The following TSPAN17 variants were observed in gnomAD, a reference collection of about 807,000 sequenced individuals.
TSPAN17 encodes tetraspanin 17, also known as tetraspanin-17.
Under a neutral mutation model 40.5 loss-of-function variants are expected in TSPAN17, and 33 were observed. That is an observed-to-expected ratio of 0.81 (90% confidence interval 0.62 to 1.09). The LOEUF (loss-of-function observed/expected upper bound fraction) is 1.09. Among genes scored for constraint, TSPAN17 ranks in the 50% least tolerant of loss-of-function variants. The probability of loss-of-function intolerance (pLI) is 0.00; values close to 1 mark genes in which losing one functional copy is unlikely to be tolerated. For synonymous variants in TSPAN17, 166 were observed against 169.4 expected (o/e 0.98, Z 0.15); for missense variants, 365 against 416.8 (o/e 0.88, Z 1.08).
At chr5:176,653,566 C>G in intron 4 of TSPAN17, 1 of 153,004 alleles carries the variant, frequency 6.5e-6, no homozygotes. Context: ...ACAACCACAC[C>G]TAGTCACACA....
rs1286495292 is a variant in TSPAN17 at position 176,647,579 on chromosome 5, C to T, written c.-37C>T. 2.6e-6 allele frequency: 4 copies of T among 1,545,164 alleles called. No homozygotes were observed. Among genetic ancestry groups the T allele is most frequent in the African/African-American group, 1.4e-5 (1 of 72,560 alleles). On this transcript the variant is annotated 5_prime_UTR_variant, in exon 1 of 9. Transcript: ENST00000508164. ...CCCGCGGGGCGCTGGGCCTGGCTCC[C>T]GGCTCCGGTTTCCGGGCCGGCGGGT...
intron 8 of TSPAN17, 126 bp from the exon 9 acceptor site, chr5:176,657,392 C>T (rs1360892773): frequency 1.3e-6 from 2 of 1,481,648 alleles, no homozygotes; most frequent in Non-Finnish European, 1.8e-6. Context: ...GCCACTGCCT[C>T]ACACAGCTTC....
rs1760955163 is a variant in TSPAN17 at position 176,651,304 on chromosome 5, C to G, written c.88-312C>G. ...TCAGTATACTGGCGCCGTCGCTACCCCCGCTGACACAGCTGCTATTGCTCC... is the reference window on the plus strand; with the variant it reads ...TCAGTATACTGGCGCCGTCGCTACCGCCGCTGACACAGCTGCTATTGCTCC... On this transcript the variant is annotated intron_variant, in intron 1 of 8. Transcript: ENST00000508164. The surrounding 1 kb of genome is among the most constrained non-coding windows in gnomAD (Gnocchi z 4.5). Among the ~76,000 whole-genome samples the G allele has an allele frequency of 6.6e-6, 1 of 152,160 alleles. No homozygotes were observed. Among genetic ancestry groups the G allele is most frequent in the Non-Finnish European group, 1.5e-5 (1 of 68,022 alleles).
intron 5 of TSPAN17, among the ~76,000 whole-genome samples, chr5:176,655,257 G>T (rs1246520453): frequency 6.6e-6 from 1 of 152,196 alleles, no homozygotes; most frequent in Non-Finnish European, 1.5e-5. Flanking sequence ...CACAGGGATG[G>T]GGACTGGCCT....
chr5:176,656,677 G>A (rs778938466), intron 6 of TSPAN17, 23 bp from the exon 7 acceptor site: 2 of 1,611,286 alleles, frequency 1.2e-6, no homozygotes, highest in Non-Finnish European at 8.5e-7. Context: ...GGTAGGCTGA[G>A]CCTGGTGCCT....
intron 3 of TSPAN17, among the ~76,000 whole-genome samples, chr5:176,652,469 A>G (rs1369956439): frequency 6.6e-6 from 1 of 152,212 alleles, no homozygotes; most frequent in Non-Finnish European, 1.5e-5. Flanking sequence ...AGGTGTCTCC[A>G]TCCGAACCTT....
At position 176,654,864 on chromosome 5, in the gene TSPAN17, G is replaced by A. The variant is rs1385686322; in HGVS notation, c.457-31G>A. Reference sequence around the variant, plus strand: ...GGGTGAGGCTCCTGGGATGGGCCTGGCTCACCTGGGGCTCTCCCCTGCCCC... The same window carrying A: ...GGGTGAGGCTCCTGGGATGGGCCTGACTCACCTGGGGCTCTCCCCTGCCCC... On this transcript the variant is annotated intron_variant, in intron 4 of 8. Transcript: ENST00000508164. The surrounding 1 kb of genome is among the most constrained non-coding windows in gnomAD (Gnocchi z 4.3). 2 of 1,611,226 alleles carry A rather than the reference G, an allele frequency of 1.2e-6. No homozygotes were observed. Among genetic ancestry groups the A allele is most frequent in the Non-Finnish European group, 1.7e-6 (2 of 1,178,714 alleles).
At chr5:176,648,690 G>A (rs930960229) in intron 1 of TSPAN17, among the ~76,000 whole-genome samples, 3 of 147,120 alleles carry the variant, frequency 2.0e-5, no homozygotes, top group African/African-American at 7.6e-5. Context: ...CCTGGCTGTA[G>A]CAGGCCTGGC....
rs115220475 is a variant in TSPAN17 at position 176,654,923 on chromosome 5, A to T, written c.485A>T (p.Asn162Ile). 6.2e-7 allele frequency: 1 copy of T among 1,613,910 alleles called. No individual in the cohort carries two copies. The highest frequency in any genetic ancestry group is 8.5e-7 in the Non-Finnish European group (1 of 1,179,920). Residue 162 changes from asparagine (N) to isoleucine (I), a missense_variant, in exon 5 of 9, where the codon AAT becomes ATT. Coordinates refer to ENST00000508164, the MANE Select transcript of TSPAN17 (RefSeq NM_130465.5). This position sits in a 1 kb window ranked among gnomAD's most constrained non-coding sequence, Gnocchi z 4.3. ...TCTTGCTGCGGAGCCCGAGGCCCCA[A>T]TGACTGGAACCTCAATATCTACTTC... ...YWSCCGARGP[N>I]DWNLNIYFNC...
Position 176,651,365 on chromosome 5 carries a change from T to C in TSPAN17, c.88-251T>C, listed in dbSNP as rs182621907. Among the ~76,000 whole-genome samples the C allele has an allele frequency of 4.6e-5, 7 of 152,232 alleles. No homozygotes were observed. The highest frequency in any genetic ancestry group is 4.2e-4 in the South Asian group (2 of 4,818). On this transcript the variant is annotated intron_variant, in intron 1 of 8. Transcript: ENST00000508164. This position sits in a 1 kb window ranked among gnomAD's most constrained non-coding sequence, Gnocchi z 4.5. The stretch of plus-strand genomic sequence containing the variant: ...TGTCTTGGCCACCGTCTGCTCCAAT[T>C]TGGAGTTCCAGGAAGGGGCCCCTGA...
rs779170559 is a variant in TSPAN17, at chr5:176,654,974, G to A, written c.536G>A (p.Arg179Gln). 1.4e-5 allele frequency: 23 copies of A among 1,612,098 alleles called. No individual in the cohort carries two copies. Among genetic ancestry groups the A allele is most frequent in the Non-Finnish European group, 1.4e-5 (17 of 1,179,180 alleles). The change falls in exon 5 of 9, where the codon CGG (arginine) becomes CAG (glutamine). Residue 179 changes from arginine (R) to glutamine (Q), a missense_variant. Physicochemically the swap from Arg to Gln is conservative, Grantham distance 43. Transcript: ENST00000508164. The surrounding 1 kb of genome is among the most constrained non-coding windows in gnomAD (Gnocchi z 4.3). ...AACTGCACTGACTTGAACCCCAGCC[G>A]GGAGCGCTGCGGGGTGCCCTTCTCC... ...YFNCTDLNPS[R>Q]ERCGVPFSCC...
In TSPAN17 at chr5:176,654,858, G is replaced by A; in HGVS notation, c.457-37G>A. 6.2e-7 allele frequency: 1 copy of A among 1,610,422 alleles called. No individual in the cohort carries two copies. The highest frequency in any genetic ancestry group is 8.5e-7 in the Non-Finnish European group (1 of 1,178,318). ...CAAACAGGGTGAGGCTCCTGGGATG[G>A]GCCTGGCTCACCTGGGGCTCTCCCC... On this transcript the variant is annotated intron_variant, in intron 4 of 8. Transcript: ENST00000508164. The surrounding 1 kb of genome is among the most constrained non-coding windows in gnomAD (Gnocchi z 4.3).
rs373544660 is a variant in TSPAN17 at position 176,651,978 on chromosome 5, G to T, written c.285+78G>T. The T allele has an allele frequency of 3.9e-6, 6 of 1,554,822 alleles. No homozygotes were observed. The highest frequency in any genetic ancestry group is 1.8e-6 in the Non-Finnish European group (2 of 1,141,254). The stretch of plus-strand genomic sequence containing the variant: ...TCTTGCAATACAGTTGGAGCTTAAT[G>T]ATGGGTAGCTTTATTATTATGCTAT... On this transcript the variant is annotated intron_variant, in intron 3 of 8. Transcript: ENST00000508164. This position sits in a 1 kb window ranked among gnomAD's most constrained non-coding sequence, Gnocchi z 4.5.
At chr5:176,652,050 T>G in intron 3 of TSPAN17, 150 bp downstream of exon 3, 1 of 1,153,660 alleles carries the variant, frequency 8.7e-7, no homozygotes, top group Non-Finnish European at 1.2e-6. Context: ...TAGGATCCTT[T>G]CCGTGGTATG....
chr5:176,654,998 C>T lies in TSPAN17; in HGVS notation c.560C>T (p.Ser187Phe). ...CGGGAGCGCTGCGGGGTGCCCTTCT[C>T]CTGCTGCGTCAGGGACCCTGCGGTG... ...PSRERCGVPF[S>F]CCVRDPAEDV... Residue 187 changes from serine to phenylalanine, a missense_variant, in exon 5 of 9, where the codon TCC (serine) becomes TTC (phenylalanine). Physicochemically the swap from Ser to Phe is radical, Grantham distance 155 (BLOSUM62 -2). Transcript: ENST00000508164. This position sits in a 1 kb window ranked among gnomAD's most constrained non-coding sequence, Gnocchi z 4.3. 2 of 1,608,540 alleles carry T rather than the reference C, an allele frequency of 1.2e-6. No individual in the cohort carries two copies. The highest frequency in any genetic ancestry group is 8.5e-7 in the Non-Finnish European group (1 of 1,177,378).
chr5:176,657,489 G>T (rs1761203546), intron 8 of TSPAN17, 29 bp from the exon 9 acceptor site: 5 of 1,554,594 alleles, frequency 3.2e-6, no homozygotes, highest in East Asian at 2.4e-5. Context: ...ATGGGTCCAA[G>T]AATTTTCTTT....
Position 176,657,841 on chromosome 5 carries a change from C to A in TSPAN17, c.*143C>A. 2.1e-6 allele frequency: 3 copies of A among 1,420,876 alleles called. No individual in the cohort carries two copies. Among genetic ancestry groups the A allele is most frequent in the Non-Finnish European group, 2.8e-6 (3 of 1,070,074 alleles). 88.0% of individuals were successfully genotyped at this position (1,420,876 alleles called of 1,614,324 possible). ...CTGGCCCGTTCTACTCACCTAAGTG[C>A]CGCCTGACCCTTGTACACTAGGAGC... On this transcript the variant is annotated 3_prime_UTR_variant, in exon 9 of 9. Coordinates refer to ENST00000508164, the MANE Select transcript of TSPAN17 (RefSeq NM_130465.5).
chr5:176,658,620 A>AT lies in TSPAN17; in HGVS notation c.*923dup, dbSNP rs1382992095. On this transcript the variant is annotated 3_prime_UTR_variant, in exon 9 of 9. Coordinates refer to ENST00000508164, the MANE Select transcript of TSPAN17 (RefSeq NM_130465.5). Reference sequence around the variant, plus strand: ...TTGAGACCAAGAGAGTGCGGTGGGGATGGGGGGGAGAGCACGGGTCCCCGT... The same window carrying AT: ...TTGAGACCAAGAGAGTGCGGTGGGGATTGGGGGGGAGAGCACGGGTCCCCGT... 6.6e-6 allele frequency: 1 copy of AT among 152,120 alleles called. No homozygotes were observed. The highest frequency in any genetic ancestry group is 2.4e-5 in the African/African-American group (1 of 41,414). The allele number at this position is 152,120 out of a possible 1,614,324, so 9.4% of individuals were successfully genotyped here.
At chr5:176,652,458 G>C (rs1386049359) in intron 3 of TSPAN17, among the ~76,000 whole-genome samples, 1 of 152,230 alleles carries the variant, frequency 6.6e-6, no homozygotes, top group East Asian at 1.9e-4. Flanking sequence ...TGGGTTTGGG[G>C]AGGTGTCTCC....
Sources: gnomAD v4.1 joint callset for allele counts (sites outside exome capture counted in the v4.1 genomes callset) on GRCh38, gnomAD v4.1.1 for gene constraint, Gnocchi (gnomAD v3.1) non-coding constraint, MANE v1.5 for transcripts, NCBI Gene and HGNC (gene_info 2026-07-23, HGNC 2026-07-21) for gene names.